Variants in R3HDM4 observed in about 807,000 individuals in gnomAD.
R3HDM4 encodes R3H domain containing 4, also known as R3H domain-containing protein 4.
R3HDM4 carries 30 observed loss-of-function variants against 31.3 expected under a neutral mutation model. That is an observed-to-expected ratio of 0.96 (90% confidence interval 0.72 to 1.30). The LOEUF (loss-of-function observed/expected upper bound fraction) is 1.30, where lower values mean the gene tolerates loss of function less well. Ranked by LOEUF, R3HDM4 falls within the 50% of genes most tolerant of loss-of-function variation. The pLI, the probability that R3HDM4 is intolerant of heterozygous loss-of-function variation, is 0.00. For synonymous variants in R3HDM4, 196 were observed against 156.6 expected, an observed-to-expected ratio of 1.25 and a Z score of -1.88; for missense variants, 444 against 366.1, an observed-to-expected ratio of 1.21 and a Z score of -1.74.
chr19:900,996 G>A lies in R3HDM4; in HGVS notation c.352-44C>T, dbSNP rs372191981. On this transcript the variant is annotated intron_variant, in intron 3 of 7. Transcript: ENST00000361574. Reference sequence around the variant, plus strand: ...GGCAGGCTTGCCATGAAACACTGGGGCTGCGCTGACATCCCCGGGCAAATG... The same window carrying A: ...GGCAGGCTTGCCATGAAACACTGGGACTGCGCTGACATCCCCGGGCAAATG... 1.6e-5 allele frequency: 25 copies of A among 1,519,102 alleles called. No individual in the cohort carries two copies. In the African/African-American group the frequency reaches 3.1e-4, roughly 19 times the overall value. The allele number at this position is 1,519,102 out of a possible 1,614,324, so 94.1% of individuals were successfully genotyped here.
intron 1 of R3HDM4, among the ~76,000 whole-genome samples, chr19:909,866 A>G (rs1015162417): frequency 2.6e-5 from 4 of 152,034 alleles, no homozygotes; most frequent in African/African-American, 7.2e-5. Context: ...GTAAATGCCC[A>G]CACCAGGTGG....
chr19:904,047 T>C lies in R3HDM4; in HGVS notation c.72-1917A>G, dbSNP rs201991028. ...GCCTGGACGACAGAGCGAGACTCTG[T>C]CTCAAAAGCCAAACAAACAAAAAAC... On this transcript the variant is annotated intron_variant, in intron 1 of 7. Transcript: ENST00000361574. Among the ~76,000 whole-genome samples, 6 of 152,162 alleles carry C rather than the reference T, an allele frequency of 3.9e-5. No individual in the cohort carries two copies. In the East Asian group the frequency reaches 9.7e-4, roughly 25 times the overall value.
intron 7 of R3HDM4, among the ~76,000 whole-genome samples, chr19:898,539 C>T (rs1434917177): frequency 1.3e-5 from 2 of 152,030 alleles, no homozygotes; most frequent in East Asian, 1.9e-4. Flanking sequence ...GTGGAGGTTG[C>T]AGTGAGTAAA....
At chr19:910,295 AGCCTG>A (rs1196084520) in intron 1 of R3HDM4, among the ~76,000 whole-genome samples, 3 of 151,592 alleles carry the variant, frequency 2.0e-5, no homozygotes, top group Non-Finnish European at 4.4e-5. Flanking sequence ...ACTGTACTCC[AGCCTG>A]GGCAACAAGA....
chr19:899,525 A>G lies in R3HDM4; in HGVS notation c.648-30T>C. ...GGGGAACGGGCAGTGAGCGCCGTGC[A>G]GGGGCTGCAGCGTGGGGTGTCCGCC... On this transcript the variant is annotated intron_variant, in intron 6 of 7. Coordinates refer to ENST00000361574, the MANE Select transcript of R3HDM4 (RefSeq NM_138774.4). The surrounding 1 kb of genome is among the most constrained non-coding windows in gnomAD (Gnocchi z 6.8). The G allele has an allele frequency of 6.2e-7, 1 of 1,613,294 alleles. No homozygotes were observed. Among genetic ancestry groups the G allele is most frequent in the Non-Finnish European group, 8.5e-7 (1 of 1,179,756 alleles).
At chr19:904,170 T>C (rs2036874521) in intron 1 of R3HDM4, among the ~76,000 whole-genome samples, 1 of 151,934 alleles carries the variant, frequency 6.6e-6, no homozygotes, top group Non-Finnish European at 1.5e-5. Context: ...CACCCTTATC[T>C]CCTAACTCCA....
At chr19:898,731 G>A (rs1037788367) in intron 7 of R3HDM4, among the ~76,000 whole-genome samples, 1 of 151,984 alleles carries the variant, frequency 6.6e-6, no homozygotes, top group Non-Finnish European at 1.5e-5. Flanking sequence ...CTCCTCTTCC[G>A]TGTCAGGACC....
rs975226454 is a variant in R3HDM4 at position 900,837 on chromosome 19, C to T, written c.467G>A (p.Arg156Gln). ...RRRGPGRGEDRRREDPAYTPR... is the reference protein window; with the variant it reads ...RRRGPGRGEDQRREDPAYTPR... ...CCCAGCCAGGCCCGCACCTCTCCTC[C>T]GGTCCTCCCCACGGCCAGGGCCCCT... Residue 156 changes from arginine (R) to glutamine (Q), a missense_variant, in exon 4 of 8, where the codon CGG (arginine) becomes CAG (glutamine). Coordinates refer to ENST00000361574, the MANE Select transcript of R3HDM4 (RefSeq NM_138774.4). 2.6e-6 allele frequency: 4 copies of T among 1,541,678 alleles called. No individual in the cohort carries two copies. Among genetic ancestry groups the T allele is most frequent in the African/African-American group, 2.8e-5 (2 of 71,156 alleles).
At chr19:900,241 T>A in intron 4 of R3HDM4, 95 bp from the exon 5 acceptor site, 1 of 980,996 alleles carries the variant, frequency 1.0e-6, no homozygotes, top group South Asian at 1.6e-5. Flanking sequence ...ACCACGCCCA[T>A]CTGTGCCTTG....
rs984032906 is a variant in R3HDM4 at position 900,830 on chromosome 19, T to A, written c.474A>T (p.Arg158Ser). The A allele has an allele frequency of 9.1e-6, 9 of 992,796 alleles. No individual in the cohort carries two copies. Among genetic ancestry groups the A allele is most frequent in the Non-Finnish European group, 1.3e-5 (9 of 718,302 alleles). 61.5% of individuals were successfully genotyped at this position (992,796 alleles called of 1,614,324 possible). Residue 158 changes from arginine to serine, a missense_variant and splice_region_variant, in exon 4 of 8, where the codon AGA becomes AGT. By Grantham distance (110) the Arg-to-Ser change is moderately radical (BLOSUM62 -1). Transcript: ENST00000361574. ...TACCCGCCCCAGCCAGGCCCGCACC[T>A]CTCCTCCGGTCCTCCCCACGGCCAG... ...RGPGRGEDRR[R>S]EDPAYTPREC... is the part of the protein sequence containing the mutation.
chr19:900,181 G>T (rs770404179), intron 4 of R3HDM4, 35 bp from the exon 5 acceptor site: 4 of 1,509,308 alleles, frequency 2.7e-6, no homozygotes, highest in South Asian at 2.6e-5. Flanking sequence ...CAGTCTTGGG[G>T]TGCTCGTCCT....
chr19:897,903 G>A (rs2036761937), intron 7 of R3HDM4, among the ~76,000 whole-genome samples: 1 of 152,208 alleles, frequency 6.6e-6, no homozygotes. Flanking sequence ...AGGTGGCTCT[G>A]AGGCACCCAG....
rs375345115 is a variant in R3HDM4 at position 897,425 on chromosome 19, G to A, written c.*12C>T. 346 of 1,585,334 alleles carry A rather than the reference G, an allele frequency of 2.2e-4. 1 individual carries two copies. Among genetic ancestry groups the A allele is most frequent in the Non-Finnish European group, 2.6e-4 (306 of 1,164,252 alleles). ...TGGGCGAGGTGGCAGCGGGGTCTCC[G>A]CGGGGCCGCCATCAGCTGTGCTGCT... is the stretch of plus-strand genomic sequence containing the variant. On this transcript the variant is annotated 3_prime_UTR_variant, in exon 8 of 8. Transcript: ENST00000361574.
chr19:902,389 C>A, intron 1 of R3HDM4: 1 of 470,676 alleles, frequency 2.1e-6, no homozygotes, highest in Non-Finnish European at 3.9e-6. Flanking sequence ...GCCGGTGGAT[C>A]ACTTGAGCTC....
chr19:902,103 T>C lies in R3HDM4; in HGVS notation c.99A>G (p.Leu33=), dbSNP rs758240827. The C allele has an allele frequency of 1.3e-5, 21 of 1,613,506 alleles. No homozygotes were observed. The highest frequency in any genetic ancestry group is 1.8e-5 in the Non-Finnish European group (21 of 1,179,978). The change falls in exon 2 of 8, where the codon CTA becomes CTG. Residue 33 remains leucine (L), a synonymous_variant. Transcript: ENST00000361574. ...AGAGTCTCTTCACCTGGGAGCTGGC[T>C]AGGGCAGGCAGGCAGCTGGGAAGGG... ...LLPLPSCLPA[L]ASSQVKRLSA...
chr19:911,942 G>T (rs1008745083), intron 1 of R3HDM4, among the ~76,000 whole-genome samples: 3 of 150,796 alleles, frequency 2.0e-5, no homozygotes, highest in Non-Finnish European at 4.4e-5. Flanking sequence ...GGGGCCGGGC[G>T]TGCGGCAGGG....
chr19:909,341 G>A (rs191979133), intron 1 of R3HDM4, among the ~76,000 whole-genome samples: 1 of 152,318 alleles, frequency 6.6e-6, no homozygotes, highest in African/African-American at 2.4e-5. Flanking sequence ...GGCTCAGGGC[G>A]GAGGTGACTC....
At chr19:903,055 C>A (rs1223199099) in intron 1 of R3HDM4, among the ~76,000 whole-genome samples, 2 of 152,180 alleles carry the variant, frequency 1.3e-5, no homozygotes, top group African/African-American at 4.8e-5. Flanking sequence ...GCCGCCCACC[C>A]CCAACCCCAG....
intron 1 of R3HDM4, among the ~76,000 whole-genome samples, chr19:909,052 A>G (rs556782528): frequency 6.6e-6 from 1 of 152,320 alleles, no homozygotes; most frequent in South Asian, 2.1e-4. Context: ...CAGACGAGGA[A>G]ACTGAGGACC....
Sources: gnomAD v4.1 joint callset for allele counts (sites outside exome capture counted in the v4.1 genomes callset) on GRCh38, gnomAD v4.1.1 for gene constraint, Gnocchi (gnomAD v3.1) non-coding constraint, MANE v1.5 for transcripts, NCBI Gene and HGNC (gene_info 2026-07-23, HGNC 2026-07-21) for gene names.